ART1: variants seen among roughly 807,000 people sequenced by gnomAD.
ART1 encodes GPI-linked NAD(P)(+)--arginine ADP-ribosyltransferase 1.
A neutral mutation model predicts 27.0 loss-of-function variants in ART1; 29 were observed. That is an observed-to-expected ratio of 1.08 (90% CI 0.80 to 1.47). The LOEUF is 1.47. Among genes scored for constraint, ART1 ranks in the 40% most tolerant of loss-of-function variants. The pLI, the probability that ART1 is intolerant of heterozygous loss-of-function variation, is 0.00. For missense variants in ART1, 480 were observed against 423.0 expected (o/e 1.13, Z -1.18); for synonymous variants, 201 against 172.2 (o/e 1.17, Z -1.31).
At chr11:3,655,066 G>T (rs1332079019) in intron 1 of ART1, among the ~76,000 whole-genome samples, 1 of 152,216 alleles carries the variant, frequency 6.6e-6, no homozygotes, top group Admixed American at 6.5e-5. Flanking sequence ...TTGACGGCAA[G>T]TGGCTTATCT....
chr11:3,652,882 C>T (rs2077536091), intron 1 of ART1, among the ~76,000 whole-genome samples: 2 of 150,302 alleles, frequency 1.3e-5, no homozygotes, highest in Non-Finnish European at 2.9e-5. Context: ...TAGGCACTCT[C>T]TAATCAGATG....
chr11:3,653,803 T>A (rs1227998251), intron 1 of ART1, among the ~76,000 whole-genome samples: 1 of 147,450 alleles, frequency 6.8e-6, no homozygotes, highest in Non-Finnish European at 1.5e-5. Flanking sequence ...CTGTCTATCC[T>A]CACTGCCATT....
intron 1 of ART1, among the ~76,000 whole-genome samples, chr11:3,657,803 A>G (rs2077586191): frequency 6.6e-6 from 1 of 152,216 alleles, no homozygotes; most frequent in Admixed American, 6.5e-5. Flanking sequence ...AAGGATTTAT[A>G]TACCTAAATA....
chr11:3,652,728 G>C (rs960644355), intron 1 of ART1, among the ~76,000 whole-genome samples: 3 of 151,406 alleles, frequency 2.0e-5, no homozygotes, highest in African/African-American at 7.3e-5. Context: ...ACTCATACAT[G>C]TCCTGCTCTT....
chr11:3,655,722 G>T (rs2077569228), intron 1 of ART1: 1 of 152,088 alleles, frequency 6.6e-6, no homozygotes, highest in Admixed American at 6.5e-5. Flanking sequence ...GCCTTCTTGG[G>T]TCATGTGCCC....
At position 3,660,115 on chromosome 11, in the gene ART1, G is replaced by A; in HGVS notation, c.596G>A (p.Gly199Asp). 1.2e-6 allele frequency: 2 copies of A among 1,613,852 alleles called. No homozygotes were observed. The highest frequency in any genetic ancestry group is 1.3e-5 in the African/African-American group (1 of 75,066). The change falls in exon 3 of 5, where the codon GGC becomes GAC. Residue 199 changes from glycine to aspartate, a missense_variant. Physicochemically the swap from Gly to Asp is moderately conservative, Grantham distance 94 (BLOSUM62 -1). Transcript: ENST00000250693. ...CCCCGGGCCACCGTGAGGCTGGGGG[G>A]CTTTGCTTCTGCCTCCCTGAAGCAT... The part of the protein sequence containing the change: ...AGPRATVRLG[G>D]FASASLKHVA...
chr11:3,657,263 A>C (rs1251850673), intron 1 of ART1, among the ~76,000 whole-genome samples: 11 of 152,166 alleles, frequency 7.2e-5, no homozygotes, highest in Non-Finnish European at 1.5e-4. Context: ...CATTGACTAT[A>C]TTACCATTTG....
chr11:3,648,194 A>T (rs1168616264), intron 1 of ART1, among the ~76,000 whole-genome samples: 1 of 152,012 alleles, frequency 6.6e-6, no homozygotes, highest in Non-Finnish European at 1.5e-5. Flanking sequence ...CCCCACCCTT[A>T]TCTCCCTTCG....
At chr11:3,650,053 A>T (rs1044642793) in intron 1 of ART1, among the ~76,000 whole-genome samples, 1 of 152,214 alleles carries the variant, frequency 6.6e-6, no homozygotes, top group Non-Finnish European at 1.5e-5. Context: ...ATAATAGAAT[A>T]GAGGCAGCCA....
chr11:3,661,463 C>T, intron 4 of ART1, 50 bp downstream of exon 4: 1 of 1,182,294 alleles, frequency 8.5e-7, no homozygotes, highest in Non-Finnish European at 1.2e-6. Flanking sequence ...GAGCAGGCTG[C>T]TCTGGGGTTG....
chr11:3,649,103 G>A (rs577805264), intron 1 of ART1, among the ~76,000 whole-genome samples: 4 of 151,820 alleles, frequency 2.6e-5, no homozygotes, highest in South Asian at 2.1e-4. Context: ...AAGAACCCCT[G>A]AACCCCTTCC....
At chr11:3,647,612 C>T (rs1355892223) in intron 1 of ART1, among the ~76,000 whole-genome samples, 6 of 151,380 alleles carry the variant, frequency 4.0e-5, no homozygotes, top group South Asian at 2.1e-4. Flanking sequence ...CCAGCCTGGG[C>T]GACAGAGTGA....
At chr11:3,659,521 G>A (rs2077600015) in intron 2 of ART1, 62 bp from the exon 3 acceptor site, 1 of 1,511,464 alleles carries the variant, frequency 6.6e-7, no homozygotes, top group African/African-American at 1.4e-5. Flanking sequence ...AGAGCTGGAT[G>A]GCAGGGGACT....
intron 1 of ART1, among the ~76,000 whole-genome samples, chr11:3,645,821 G>A (rs766992378): frequency 5.3e-5 from 8 of 152,198 alleles, no homozygotes; most frequent in Non-Finnish European, 8.8e-5. Context: ...CTTCCTGGAG[G>A]AGGTGGCCCT....
intron 1 of ART1, among the ~76,000 whole-genome samples, chr11:3,655,312 G>T (rs1037618648): frequency 9.3e-5 from 12 of 128,624 alleles, no homozygotes; most frequent in Non-Finnish European, 2.0e-4. Flanking sequence ...ATACAAGTCA[G>T]GGAGCGGCAA....
chr11:3,660,003 C>G lies in ART1; in HGVS notation c.484C>G (p.Leu162Val), dbSNP rs2077606318. The G allele has an allele frequency of 6.2e-7, 1 of 1,613,924 alleles. No homozygotes were observed. The highest frequency in any genetic ancestry group is 1.3e-5 in the African/African-American group (1 of 74,944). Residue 162 changes from leucine (L) to valine (V), a missense_variant, in exon 3 of 5, where the codon CTG (leucine) becomes GTG (valine). Transcript: ENST00000250693. ...KTLHFLLTEA[L>V]QLLGSGQRPP... ...ACTCCATTTCCTGCTGACTGAGGCC[C>G]TGCAGCTCCTGGGCAGCGGCCAGCG...
chr11:3,658,458 G>T (rs1475107901), intron 1 of ART1, among the ~76,000 whole-genome samples: 1 of 152,186 alleles, frequency 6.6e-6, no homozygotes, highest in Non-Finnish European at 1.5e-5. Context: ...CAGCAAAGAG[G>T]GTGTGGAAGG....
intron 1 of ART1, among the ~76,000 whole-genome samples, chr11:3,658,724 A>AC (rs2077593762): frequency 6.6e-6 from 1 of 151,872 alleles, no homozygotes; most frequent in African/African-American, 2.4e-5. Flanking sequence ...AAAACCCACA[A>AC]CCCCTGCGAG....
At chr11:3,653,456 G>C (rs552288734) in intron 1 of ART1, among the ~76,000 whole-genome samples, 15 of 149,254 alleles carry the variant, frequency 1.0e-4, no homozygotes, top group Non-Finnish European at 1.9e-4. Flanking sequence ...CTGACTGCCA[G>C]AGAACAACCC....
Sources: gnomAD v4.1 joint callset for allele counts (sites outside exome capture counted in the v4.1 genomes callset) on GRCh38, gnomAD v4.1.1 for gene constraint, MANE v1.5 for transcripts, NCBI Gene and HGNC (gene_info 2026-07-23, HGNC 2026-07-21) for gene names.